SDK1: variants seen among roughly 807,000 people sequenced by gnomAD.
SDK1 encodes the protein sidekick cell adhesion molecule 1.
Under a neutral mutation model 245.5 loss-of-function variants are expected in SDK1, and 157 were observed. The observed-to-expected ratio is 0.64, with a 90% CI of 0.56 to 0.73. The LOEUF is 0.73. Ranked by LOEUF, SDK1 falls within the 30% of genes least tolerant of loss-of-function variation. SDK1 has a pLI of 0.00. For missense variants in SDK1, 3,583 were observed against 3,002.3 expected, an observed-to-expected ratio of 1.19 and a Z score of -4.52; for synonymous variants, 1,647 against 1,278.5, an observed-to-expected ratio of 1.29 and a Z score of -6.15.
At chr7:4,014,577 A>G (rs768622673) in intron 16 of SDK1, among the ~76,000 whole-genome samples, 11 of 152,374 alleles carry the variant, frequency 7.2e-5, no homozygotes, top group Non-Finnish European at 1.3e-4. Flanking sequence ...GCACAATGCA[A>G]GGAAAGCAAA....
chr7:4,236,910 C>G (rs1786202351), intron 41 of SDK1, among the ~76,000 whole-genome samples: 1 of 152,058 alleles, frequency 6.6e-6, no homozygotes, highest in South Asian at 2.1e-4. Context: ...TGTTTGCTGC[C>G]TTGCTTGTTT....
At position 3,873,808 on chromosome 7, in the gene SDK1, T is replaced by C. The variant is rs566289637; in HGVS notation, c.847+52225T>C. Among the ~76,000 whole-genome samples the C allele has an allele frequency of 5.9e-5, 9 of 152,348 alleles. No individual in the cohort carries two copies. In the South Asian group the frequency reaches 1.4e-3, roughly 25 times the overall value. Reference sequence around the variant, plus strand: ...TAATTCTTTTTCACTTAATTATTTTTATAGTTTCCATTTTTGTGTGAAATT... The same window carrying C: ...TAATTCTTTTTCACTTAATTATTTTCATAGTTTCCATTTTTGTGTGAAATT... On this transcript the variant is annotated intron_variant, in intron 5 of 44. Coordinates refer to ENST00000404826, the MANE Select transcript of SDK1 (RefSeq NM_152744.4).
At chr7:3,551,358 C>CT (rs1484174474) in intron 1 of SDK1, among the ~76,000 whole-genome samples, 3 of 152,070 alleles carry the variant, frequency 2.0e-5, no homozygotes, top group Non-Finnish European at 4.4e-5. Context: ...ATATGTTATA[C>CT]GATATGCCAA....
intron 1 of SDK1, chr7:3,338,346 G>T: frequency 2.0e-6 from 1 of 509,038 alleles, no homozygotes; most frequent in Non-Finnish European, 3.7e-6. Context: ...TGTTGGCATT[G>T]TAAACAAACA....
chr7:3,655,041 A>C (rs182297460), intron 4 of SDK1, among the ~76,000 whole-genome samples: 31 of 111,254 alleles, frequency 2.8e-4, no homozygotes, highest in African/African-American at 1.1e-3. Context: ...TAGTTGAATC[A>C]TAGCTTGCTT....
chr7:3,444,171 A>G (rs542511264), intron 1 of SDK1, among the ~76,000 whole-genome samples: 9 of 151,988 alleles, frequency 5.9e-5, no homozygotes, highest in Non-Finnish European at 8.8e-5. Context: ...TAAGACAGAG[A>G]TGTTTGCTAC....
intron 4 of SDK1, among the ~76,000 whole-genome samples, chr7:3,806,324 ATGTGGATGT>A (rs1562456963): frequency 5.7e-5 from 8 of 141,156 alleles, no homozygotes; most frequent in African/African-American, 9.4e-5. Flanking sequence ...CCACATTAGG[ATGTGGATGT>A]CCACATTAGG....
chr7:3,665,098 G>A (rs1783486055), intron 4 of SDK1, among the ~76,000 whole-genome samples: 1 of 152,180 alleles, frequency 6.6e-6, no homozygotes, highest in Non-Finnish European at 1.5e-5. Context: ...GGACTCTCTG[G>A]CTGTTGTTTT....
chr7:3,603,366 G>A (rs1422927590), intron 1 of SDK1, among the ~76,000 whole-genome samples: 1 of 150,898 alleles, frequency 6.6e-6, no homozygotes, highest in Non-Finnish European at 1.5e-5. Flanking sequence ...CTTGAGCAGT[G>A]GTTTGTAGTT....
intron 22 of SDK1, among the ~76,000 whole-genome samples, chr7:4,108,391 G>A (rs115823741): frequency 1.3e-5 from 2 of 152,072 alleles, no homozygotes; most frequent in Non-Finnish European, 2.9e-5. Flanking sequence ...TGAGGGTTTC[G>A]ATGGCTACCC....
chr7:4,148,243 C>T (rs1780118522), intron 29 of SDK1, among the ~76,000 whole-genome samples: 1 of 152,246 alleles, frequency 6.6e-6, no homozygotes, highest in Admixed American at 6.5e-5. Context: ...CCCACACCCG[C>T]CACTGGGGGC....
chr7:3,959,154 T>C, intron 8 of SDK1, 140 bp downstream of exon 8: 1 of 704,698 alleles, frequency 1.4e-6, no homozygotes, highest in Non-Finnish European at 2.5e-6. Context: ...TAGATCGGTC[T>C]TGGGGCAGTG....
intron 5 of SDK1, among the ~76,000 whole-genome samples, chr7:3,912,554 C>T (rs1057124370): frequency 6.6e-6 from 1 of 152,218 alleles, no homozygotes; most frequent in Non-Finnish European, 1.5e-5. Context: ...TCAAGCTAAG[C>T]TTCAGTGGAC....
intron 2 of SDK1, among the ~76,000 whole-genome samples, chr7:3,636,739 TG>T (rs1316570192): frequency 6.6e-6 from 1 of 152,214 alleles, no homozygotes; most frequent in Non-Finnish European, 1.5e-5. Context: ...GGGGGTCATG[TG>T]GTCATTGTGT....
At chr7:4,208,349 T>A in intron 37 of SDK1, 64 bp downstream of exon 37, 1 of 1,466,488 alleles carries the variant, frequency 6.8e-7, no homozygotes, top group Non-Finnish European at 9.4e-7. Flanking sequence ...GAGCGCCAGC[T>A]CAGGTCCCCT....
intron 4 of SDK1, among the ~76,000 whole-genome samples, chr7:3,681,103 G>C (rs1034755471): frequency 6.6e-6 from 1 of 152,070 alleles, no homozygotes; most frequent in South Asian, 2.1e-4. Context: ...CAGCCTCCCA[G>C]AGTGCTGGGA....
intron 1 of SDK1, among the ~76,000 whole-genome samples, chr7:3,330,231 A>G (rs1023125687): frequency 6.6e-6 from 1 of 152,218 alleles, no homozygotes; most frequent in Non-Finnish European, 1.5e-5. Context: ...GCTGGGTCAT[A>G]TAGTAACTGT....
intron 20 of SDK1, among the ~76,000 whole-genome samples, chr7:4,074,309 G>A (rs200200926): frequency 6.6e-6 from 1 of 152,168 alleles, no homozygotes; most frequent in Non-Finnish European, 1.5e-5. Context: ...TCTGTAGTTT[G>A]CTGACCTAAG....
At chr7:4,183,840 C>G (rs77535270) in intron 35 of SDK1, among the ~76,000 whole-genome samples, 2,949 of 152,200 alleles carry the variant, frequency 0.019, 93 homozygotes, top group African/African-American at 0.067. Context: ...AGACACGGCC[C>G]CTGCATCCAG....
Sources: gnomAD v4.1 joint callset for allele counts (sites outside exome capture counted in the v4.1 genomes callset) on GRCh38, gnomAD v4.1.1 for gene constraint, MANE v1.5 for transcripts, NCBI Gene and HGNC (gene_info 2026-07-23, HGNC 2026-07-21) for gene names.